Variants in PPP6R3 observed in about 807,000 individuals in gnomAD.
PPP6R3 encodes serine/threonine-protein phosphatase 6 regulatory subunit 3.
Under a neutral mutation model 110.7 loss-of-function variants are expected in PPP6R3, and 38 were observed. The ratio of observed to expected loss-of-function variants is 0.34; its 90% CI spans 0.26 to 0.45. The LOEUF (loss-of-function observed/expected upper bound fraction) is 0.45. Ranked by LOEUF, PPP6R3 falls within the 20% of genes least tolerant of loss-of-function variation. The pLI is 1.00. For missense variants in PPP6R3, 870 were observed against 1,062.4 expected, an observed-to-expected ratio of 0.82 and a Z score of 2.52; for synonymous variants, 369 against 373.5, an observed-to-expected ratio of 0.99 and a Z score of 0.14.
intron 3 of PPP6R3, among the ~76,000 whole-genome samples, chr11:68,539,527 T>TGG (rs1334089474): frequency 6.6e-6 from 1 of 152,214 alleles, no homozygotes. Flanking sequence ...CCACTTGAGT[T>TGG]GGATAGGGCA....
At chr11:68,572,307 A>G (rs1314828292) in intron 12 of PPP6R3, among the ~76,000 whole-genome samples, 2 of 152,128 alleles carry the variant, frequency 1.3e-5, no homozygotes, top group East Asian at 3.9e-4. Context: ...TCTCCTGGTG[A>G]GTCCCGTTTT....
Position 68,609,985 on chromosome 11 carries a change from CGCGGCG to C in PPP6R3, c.2533_2538del (p.Ala845_Ala846del). The stretch of plus-strand genomic sequence containing the variant: ...GTCCCGAGACTGCAGAGGCGAAGTG[CGCGGCG>C]CCCAGGCCTCCCAGCAGCAGTCCCG... On this transcript the variant is annotated inframe_deletion, in exon 23 of 24. Transcript: ENST00000393800. The C allele has an allele frequency of 6.2e-7, 1 of 1,614,118 alleles. No individual in the cohort carries two copies. Among genetic ancestry groups the C allele is most frequent in the Non-Finnish European group, 8.5e-7 (1 of 1,180,030 alleles).
At position 68,501,074 on chromosome 11, in the gene PPP6R3, G is replaced by C. The variant is rs570076661; in HGVS notation, c.-157-18427G>C. Among the ~76,000 whole-genome samples the C allele has an allele frequency of 7.2e-5, 11 of 152,238 alleles. No individual in the cohort carries two copies. The South Asian group carries it at 2.1e-3, about 29-fold the overall frequency. On this transcript the variant is annotated intron_variant, in intron 1 of 23. Transcript: ENST00000393800. Reference sequence around the variant, plus strand: ...GTTAGCATGGATTTTGCTGTTGTTAGTTTTTTCATGTTTATTGTCTACTTG... The same window carrying C: ...GTTAGCATGGATTTTGCTGTTGTTACTTTTTTCATGTTTATTGTCTACTTG...
chr11:68,594,170 A>G (rs1010534630), intron 18 of PPP6R3, among the ~76,000 whole-genome samples: 12 of 152,196 alleles, frequency 7.9e-5, no homozygotes, highest in East Asian at 3.8e-4. Context: ...AAAGGGGTCA[A>G]TTCATTAAGA....
At chr11:68,539,932 A>G (rs2099302225) in intron 3 of PPP6R3, among the ~76,000 whole-genome samples, 1 of 152,230 alleles carries the variant, frequency 6.6e-6, no homozygotes, top group Non-Finnish European at 1.5e-5. Context: ...ACTTACAACC[A>G]GGAACATCCA....
At chr11:68,559,254 C>T (rs1159255973) in intron 8 of PPP6R3, among the ~76,000 whole-genome samples, 1 of 152,346 alleles carries the variant, frequency 6.6e-6, no homozygotes, top group Middle Eastern at 3.4e-3. Context: ...TAAAGTCTTG[C>T]TTTTCACATG....
At chr11:68,511,785 G>T (rs994832043) in intron 1 of PPP6R3, among the ~76,000 whole-genome samples, 3 of 151,688 alleles carry the variant, frequency 2.0e-5, no homozygotes, top group Non-Finnish European at 2.9e-5. Context: ...CCAGCCGTGT[G>T]TGTGTGTGTG....
intron 2 of PPP6R3, among the ~76,000 whole-genome samples, chr11:68,532,610 G>A (rs190790973): frequency 6.6e-6 from 1 of 152,252 alleles, no homozygotes; most frequent in East Asian, 1.9e-4. Flanking sequence ...TTATAATGGG[G>A]CTGAAAAATT....
chr11:68,537,524 G>T lies in PPP6R3; in HGVS notation c.-6-135G>T, dbSNP rs532760929. Reference sequence around the variant, plus strand: ...TAACGCATTAAAAAGTATTTTATAGGTTCAGTGTGAAGCTTATTTAACTTA... The same window carrying T: ...TAACGCATTAAAAAGTATTTTATAGTTTCAGTGTGAAGCTTATTTAACTTA... On this transcript the variant is annotated intron_variant, in intron 2 of 23. Transcript: ENST00000393800. The T allele has an allele frequency of 1.0e-5, 6 of 595,026 alleles. No individual in the cohort carries two copies. The South Asian group carries it at 1.5e-4, about 15-fold the overall frequency. The allele number at this position is 595,026 out of a possible 1,614,324, so 36.9% of individuals were successfully genotyped here. A position where few individuals can be genotyped will look rare whatever the true frequency, so the allele number is the denominator to read the frequency against.
At chr11:68,551,660 G>T (rs574766532) in intron 6 of PPP6R3, among the ~76,000 whole-genome samples, 7 of 152,162 alleles carry the variant, frequency 4.6e-5, no homozygotes, top group African/African-American at 1.4e-4. Flanking sequence ...GCTAATTTTT[G>T]TATTGTTAGT....
intron 1 of PPP6R3, among the ~76,000 whole-genome samples, chr11:68,477,672 A>G (rs1444176799): frequency 1.3e-5 from 2 of 148,438 alleles, no homozygotes; most frequent in Non-Finnish European, 3.0e-5. Flanking sequence ...GGCTGCAGTA[A>G]GCTGTGATTG....
intron 12 of PPP6R3, among the ~76,000 whole-genome samples, chr11:68,573,431 G>A (rs1238802027): frequency 6.6e-5 from 10 of 152,032 alleles, no homozygotes; most frequent in Admixed American, 5.9e-4. Flanking sequence ...GATTACAGGC[G>A]TGAGCCACTG....
In PPP6R3 at chr11:68,514,623, C is replaced by T. The variant is rs533161742; in HGVS notation, c.-157-4878C>T. 3.3e-4 allele frequency among the ~76,000 whole-genome samples: 50 copies of T among 152,184 alleles called. 1 individual carries two copies. The South Asian group carries it at 5.6e-3, about 17-fold the overall frequency. On this transcript the variant is annotated intron_variant, in intron 1 of 23. Coordinates refer to ENST00000393800, the MANE Select transcript of PPP6R3 (RefSeq NM_001164161.2). ...TTTTTGAGACGGAGTCTTGCTCTGA[C>T]GCCCAGGCTGGAGTACAGTGGTGTG...
intron 2 of PPP6R3, among the ~76,000 whole-genome samples, chr11:68,528,918 A>G (rs753070631): frequency 2.6e-5 from 4 of 152,216 alleles, no homozygotes; most frequent in Non-Finnish European, 5.9e-5. Context: ...TAGATGAGCC[A>G]GTATGAACAG....
At chr11:68,514,544 A>G (rs187704949) in intron 1 of PPP6R3, among the ~76,000 whole-genome samples, 3 of 152,208 alleles carry the variant, frequency 2.0e-5, no homozygotes, top group African/African-American at 7.2e-5. Flanking sequence ...AAAGTGACCT[A>G]TGACGTATTC....
chr11:68,543,386 A>G (rs1037516266), intron 3 of PPP6R3, among the ~76,000 whole-genome samples: 1 of 147,116 alleles, frequency 6.8e-6, no homozygotes, highest in Non-Finnish European at 1.5e-5. Flanking sequence ...CCAAAGACCC[A>G]TACATCTGCC....
At chr11:68,525,583 A>G (rs2099192571) in intron 2 of PPP6R3, among the ~76,000 whole-genome samples, 2 of 152,208 alleles carry the variant, frequency 1.3e-5, no homozygotes, top group Non-Finnish European at 2.9e-5. Flanking sequence ...CTTCAGGGTT[A>G]TATACAGTCT....
chr11:68,498,220 G>A (rs139721771), intron 1 of PPP6R3, among the ~76,000 whole-genome samples: 95 of 152,218 alleles, frequency 6.2e-4, no homozygotes, highest in African/African-American at 2.2e-3. Context: ...GTTCCAGTCA[G>A]TTTTATGTTA....
intron 8 of PPP6R3, among the ~76,000 whole-genome samples, chr11:68,561,554 TAA>T (rs1441158069): frequency 1.6e-4 from 25 of 152,332 alleles, no homozygotes; most frequent in African/African-American, 4.6e-4. Flanking sequence ...ATTGTAAGGA[TAA>T]TATATATCAT....
Sources: allele counts gnomAD v4.1 joint callset (sites outside exome capture counted in the v4.1 genomes callset), GRCh38; gene constraint gnomAD v4.1.1; transcripts MANE v1.5; gene names NCBI Gene and HGNC (gene_info 2026-07-23, HGNC 2026-07-21).